C4orf51: variants seen among roughly 807,000 people sequenced by gnomAD.
C4orf51 encodes the protein chromosome 4 open reading frame 51, also known as uncharacterized protein C4orf51.
C4orf51 carries 25 observed loss-of-function variants against 25.2 expected under a neutral mutation model. That is an observed-to-expected ratio of 0.99 (90% CI 0.72 to 1.39). C4orf51 has a LOEUF of 1.39. Ranked by LOEUF, C4orf51 falls within the 40% of genes most tolerant of loss-of-function variation. The pLI is 0.00. For missense variants in C4orf51, 252 were observed against 239.6 expected (o/e 1.05, Z -0.34); for synonymous variants, 100 against 84.5 (o/e 1.18, Z -1.01).
At chr4:145,701,777 C>G (rs1057451700) in intron 2 of C4orf51, among the ~76,000 whole-genome samples, 2 of 152,026 alleles carry the variant, frequency 1.3e-5, no homozygotes, top group Admixed American at 6.6e-5. Flanking sequence ...CTCCCCAACT[C>G]TGGTGCCAAC....
chr4:145,719,926 T>C (rs1466598541), intron 2 of C4orf51, among the ~76,000 whole-genome samples: 2 of 151,076 alleles, frequency 1.3e-5, no homozygotes, highest in African/African-American at 4.9e-5. Context: ...GTGGGAGGAG[T>C]TGTGGCCTGA....
At chr4:145,754,866 G>A (rs968596832), downstream of C4orf51, among the ~76,000 whole-genome samples, 4 of 152,136 alleles carry the variant, frequency 2.6e-5, no homozygotes, top group African/African-American at 9.7e-5. Context: ...AACCTGGGAG[G>A]TGGAGGTTGC....
chr4:145,704,313 A>T (rs1051186039), intron 2 of C4orf51, among the ~76,000 whole-genome samples: 2 of 152,188 alleles, frequency 1.3e-5, no homozygotes, highest in Non-Finnish European at 2.9e-5. Flanking sequence ...GAAGGCATAG[A>T]AATGGGAGGG....
intron 1 of C4orf51, among the ~76,000 whole-genome samples, chr4:145,681,146 C>T (rs1356406750): frequency 6.6e-6 from 1 of 152,110 alleles, no homozygotes; most frequent in African/African-American, 2.4e-5. Flanking sequence ...GAGCTAAGTA[C>T]ATTTGAGAAA....
chr4:145,752,812 C>T (rs964424309), intron 1 of C4orf51, among the ~76,000 whole-genome samples: 4 of 152,158 alleles, frequency 2.6e-5, no homozygotes, highest in Admixed American at 1.3e-4. Context: ...AACTCAAGTT[C>T]CGACCACTTG....
intron 1 of C4orf51, among the ~76,000 whole-genome samples, chr4:145,749,480 T>G (rs1343656890): frequency 6.6e-6 from 1 of 152,172 alleles, no homozygotes; most frequent in Non-Finnish European, 1.5e-5. Context: ...GTGGTCTTCC[T>G]TCTTTTTTTT....
In C4orf51 at chr4:145,761,480, C is replaced by T; in HGVS notation, n.167-9508C>T. Reference sequence around the variant, plus strand: ...TGCTCCCGGGTGTGCGTCTCCAGCTCCAGCTGGTTGGCCTTCACCGTCTGG... The same window carrying T: ...TGCTCCCGGGTGTGCGTCTCCAGCTTCAGCTGGTTGGCCTTCACCGTCTGG... On this transcript the variant is annotated intron_variant and non_coding_transcript_variant, in intron 1 of 1. Coordinates refer to the C4orf51 transcript ENST00000510096. The surrounding 1 kb of genome is among the most constrained non-coding windows in gnomAD (Gnocchi z 6.8). 1 of 1,289,850 alleles carries T rather than the reference C, an allele frequency of 7.8e-7. No individual in the cohort carries two copies. The highest frequency in any genetic ancestry group is 1.0e-6 in the Non-Finnish European group (1 of 988,862). The allele number at this position is 1,289,850 out of a possible 1,614,324, so 79.9% of individuals were successfully genotyped here.
chr4:145,764,848 G>A, intron 1 of C4orf51: 1 of 1,117,726 alleles, frequency 8.9e-7, no homozygotes, highest in Admixed American at 1.9e-5. Context: ...AAAGGCAGCA[G>A]GGGTTCCTGA....
At chr4:145,781,209 A>G in the C4orf51 span, among the ~76,000 whole-genome samples, 2 of 126,094 alleles carry the variant, frequency 1.6e-5, no homozygotes, top group Non-Finnish European at 3.3e-5. Context: ...AAAAAAAAAA[A>G]AAAAAAAAGA....
chr4:145,709,827 G>A (rs1426239645), intron 2 of C4orf51, among the ~76,000 whole-genome samples: 2 of 152,168 alleles, frequency 1.3e-5, no homozygotes, highest in Non-Finnish European at 1.5e-5. Flanking sequence ...ATGTGGGCCC[G>A]AAGGTCTTTC....
At chr4:145,767,288 A>G (rs1361997457) in intron 1 of C4orf51, among the ~76,000 whole-genome samples, 1 of 152,236 alleles carries the variant, frequency 6.6e-6, no homozygotes, top group Non-Finnish European at 1.5e-5. Context: ...GACATGGCAG[A>G]GGAAAAGATG....
chr4:145,759,934 C>CTG (rs1325817271), intron 1 of C4orf51: 1 of 152,198 alleles, frequency 6.6e-6, no homozygotes, highest in African/African-American at 2.4e-5. Context: ...AAATGATGCA[C>CTG]TGTGTGTGTG....
At chr4:145,691,166 A>AG (rs1729537098) in intron 1 of C4orf51, among the ~76,000 whole-genome samples, 3 of 152,172 alleles carry the variant, frequency 2.0e-5, no homozygotes, top group African/African-American at 7.2e-5. Flanking sequence ...AGAAAACACA[A>AG]CAAGTGGCCA....
At chr4:145,720,384 T>C (rs1321768843) in intron 2 of C4orf51, among the ~76,000 whole-genome samples, 5 of 152,040 alleles carry the variant, frequency 3.3e-5, no homozygotes, top group African/African-American at 1.2e-4. Flanking sequence ...TCACTTCTCC[T>C]CAGCTATACG....
At chr4:145,694,210 G>A (rs1309011030) in intron 1 of C4orf51, among the ~76,000 whole-genome samples, 1 of 144,992 alleles carries the variant, frequency 6.9e-6, no homozygotes, top group Non-Finnish European at 1.5e-5. Context: ...AGATGTGATG[G>A]CGGCTGGGAA....
intron 2 of C4orf51, among the ~76,000 whole-genome samples, chr4:145,701,337 G>A (rs781535988): frequency 8.5e-5 from 13 of 152,166 alleles, no homozygotes; most frequent in East Asian, 3.9e-4. Context: ...GTGCCCAGGC[G>A]TTCCTCCAGA....
At chr4:145,748,080 G>A (rs1230059168) in intron 1 of C4orf51, among the ~76,000 whole-genome samples, 1 of 151,814 alleles carries the variant, frequency 6.6e-6, no homozygotes, top group Non-Finnish European at 1.5e-5. Flanking sequence ...CAAGTTATTG[G>A]TTCAAGTAAC....
chr4:145,753,900 A>G (rs1733811127), intron 1 of C4orf51, among the ~76,000 whole-genome samples: 1 of 152,136 alleles, frequency 6.6e-6, no homozygotes, highest in Non-Finnish European at 1.5e-5. Flanking sequence ...ATATGGGAGG[A>G]CTCTAAAGAG....
the C4orf51 span, among the ~76,000 whole-genome samples, chr4:145,785,890 G>A: frequency 2.6e-5 from 4 of 152,194 alleles, no homozygotes; most frequent in Admixed American, 6.5e-5. Context: ...CAACAATCCA[G>A]ACACTAGCAC....
Sources: allele counts gnomAD v4.1 joint callset (sites outside exome capture counted in the v4.1 genomes callset), GRCh38; gene constraint gnomAD v4.1.1; non-coding constraint Gnocchi (gnomAD v3.1); transcripts MANE v1.5; gene names NCBI Gene and HGNC (gene_info 2026-07-23, HGNC 2026-07-21).